The following IL1RAPL1 variants were observed in gnomAD, a reference collection of about 807,000 sequenced individuals.
The protein encoded by IL1RAPL1 is interleukin 1 receptor accessory protein like 1, also known as interleukin-1 receptor accessory protein-like 1.
In IL1RAPL1, 3 loss-of-function variants were observed where a neutral mutation model predicts 48.4. The observed-to-expected ratio is 0.06, with a 90% CI of 0.03 to 0.16. The LOEUF is 0.16. Ranked by LOEUF, IL1RAPL1 falls within the 10% of genes least tolerant of loss-of-function variation. The pLI is 1.00. For missense variants in IL1RAPL1, 349 were observed against 530.6 expected (o/e 0.66, Z 3.36); for synonymous variants, 185 against 187.7 (o/e 0.99, Z 0.12).
At chrX:28,595,286 T>C (rs1342079830) in intron 1 of IL1RAPL1, among the ~76,000 whole-genome samples, 1 of 112,615 alleles carries the variant, frequency 8.9e-6, no homozygotes, top group Non-Finnish European at 1.9e-5. Context: ...TCCTAATGAC[T>C]GCATTAATAT....
At chrX:29,886,939 T>G (rs1186710121) in intron 6 of IL1RAPL1, among the ~76,000 whole-genome samples, 1 of 112,024 alleles carries the variant, frequency 8.9e-6, no homozygotes, top group East Asian at 2.8e-4. Context: ...TTTCACAACT[T>G]TAGCCCTTAG....
intron 3 of IL1RAPL1, among the ~76,000 whole-genome samples, chrX:29,313,206 A>T (rs1932751245): frequency 9.1e-6 from 1 of 110,435 alleles, no homozygotes; most frequent in Non-Finnish European, 1.9e-5. Context: ...GAGAGCAGGA[A>T]CAGGCCTTTC....
chrX:29,573,579 A>C lies in IL1RAPL1; in HGVS notation c.704-94851A>C, dbSNP rs750444862. ...CCTTCTAGACTGCAGAGCAACATGC[A>C]CTGAGTTTTTTGAAAGATTTACCAG... On this transcript the variant is annotated intron_variant, in intron 5 of 10. Transcript: ENST00000378993. 2.4e-3 allele frequency among the ~76,000 whole-genome samples: 270 copies of C among 112,305 alleles called. 1 individual carries two copies. Among genetic ancestry groups the C allele is most frequent in the African/African-American group, 8.5e-3 (262 of 30,937 alleles).
At chrX:29,285,185 C>T (rs999811859) in intron 3 of IL1RAPL1, among the ~76,000 whole-genome samples, 6 of 110,773 alleles carry the variant, frequency 5.4e-5, no homozygotes, top group African/African-American at 2.0e-4. Flanking sequence ...TTGCAATTCT[C>T]TGATGTATTT....
chrX:28,936,951 T>C (rs1924031455), intron 2 of IL1RAPL1, among the ~76,000 whole-genome samples: 1 of 111,156 alleles, frequency 9.0e-6, no homozygotes, highest in African/African-American at 3.3e-5. Flanking sequence ...AATAAACAGG[T>C]TTTACATATT....
At position 29,396,463 on chromosome X, in the gene IL1RAPL1, T is replaced by C; in HGVS notation, c.549+19T>C. ...GTACAAGGTATGGACTGCGGGTGGT[T>C]CTATTTCCTATTAACAAATTAATTG... On this transcript the variant is annotated intron_variant, in intron 4 of 10. Coordinates refer to ENST00000378993, the MANE Select transcript of IL1RAPL1 (RefSeq NM_014271.4). 1 of 1,185,788 alleles carries C rather than the reference T, an allele frequency of 8.4e-7. No homozygotes were observed. Among genetic ancestry groups the C allele is most frequent in the Non-Finnish European group, 1.1e-6 (1 of 871,541 alleles).
intron 6 of IL1RAPL1, among the ~76,000 whole-genome samples, chrX:29,894,464 T>C (rs1360288891): frequency 8.9e-6 from 1 of 112,226 alleles, no homozygotes; most frequent in Non-Finnish European, 1.9e-5. Flanking sequence ...GCTTATTTCA[T>C]TTATGCCCTT....
At chrX:28,856,283 G>A (rs1317651259) in intron 2 of IL1RAPL1, among the ~76,000 whole-genome samples, 1 of 111,392 alleles carries the variant, frequency 9.0e-6, no homozygotes, top group Non-Finnish European at 1.9e-5. Context: ...AGAATTCAAT[G>A]TTTACTCAAG....
chrX:29,039,023 C>A (rs1926786405), intron 2 of IL1RAPL1, among the ~76,000 whole-genome samples: 1 of 112,221 alleles, frequency 8.9e-6, no homozygotes, highest in East Asian at 2.8e-4. Flanking sequence ...CCTAATTTAA[C>A]AGCAGTTGTT....
intron 1 of IL1RAPL1, among the ~76,000 whole-genome samples, chrX:28,693,993 T>C (rs1935204807): frequency 8.9e-6 from 1 of 112,146 alleles, no homozygotes; most frequent in Admixed American, 9.5e-5. Context: ...TTAGTTCATC[T>C]TTCCTACCTC....
chrX:29,460,191 A>G (rs1244496483), intron 5 of IL1RAPL1, among the ~76,000 whole-genome samples: 1 of 112,154 alleles, frequency 8.9e-6, no homozygotes, highest in Non-Finnish European at 1.9e-5. Context: ...TAGGGACTAG[A>G]ACCCTGCCTA....
intron 3 of IL1RAPL1, among the ~76,000 whole-genome samples, chrX:29,377,232 T>C (rs1933635784): frequency 8.9e-6 from 1 of 112,404 alleles, no homozygotes; most frequent in South Asian, 3.7e-4. Context: ...TCCCTTTACT[T>C]TGAGTCTGTG....
chrX:28,619,840 C>T (rs1482028503), intron 1 of IL1RAPL1, among the ~76,000 whole-genome samples: 3 of 111,248 alleles, frequency 2.7e-5, no homozygotes. Context: ...AGTTAACTTA[C>T]ATTGCATTTG....
intron 5 of IL1RAPL1, among the ~76,000 whole-genome samples, chrX:29,628,447 A>T (rs949704224): frequency 3.6e-5 from 4 of 111,723 alleles, no homozygotes; most frequent in African/African-American, 6.5e-5. Context: ...TGCCCTTGAT[A>T]AGAAATCTTT....
intron 2 of IL1RAPL1, among the ~76,000 whole-genome samples, chrX:28,859,258 T>TATTGATTG (rs908481592): frequency 6.2e-5 from 7 of 112,021 alleles, no homozygotes; most frequent in Middle Eastern, 4.6e-3. Context: ...AGATCTTAGC[T>TATTGATTG]ATTGATTGAT....
intron 6 of IL1RAPL1, among the ~76,000 whole-genome samples, chrX:29,765,585 A>G (rs1928863436): frequency 8.9e-6 from 1 of 112,113 alleles, no homozygotes; most frequent in Non-Finnish European, 1.9e-5. Flanking sequence ...TGTGCTTAGT[A>G]GTATCCAAAG....
At chrX:29,172,781 G>C (rs906060504) in intron 2 of IL1RAPL1, among the ~76,000 whole-genome samples, 2 of 111,699 alleles carry the variant, frequency 1.8e-5, no homozygotes, top group African/African-American at 6.5e-5. Flanking sequence ...GAAGACTTTG[G>C]GGAATCATAA....
chrX:29,450,833 A>T (rs769211890), intron 5 of IL1RAPL1, among the ~76,000 whole-genome samples: 2 of 111,924 alleles, frequency 1.8e-5, no homozygotes, highest in African/African-American at 6.5e-5. Flanking sequence ...TCTGTGAAAA[A>T]TTCTCATAAA....
chrX:29,916,441 A>G (rs1932801310), intron 6 of IL1RAPL1, among the ~76,000 whole-genome samples: 2 of 111,664 alleles, frequency 1.8e-5, no homozygotes, highest in Admixed American at 9.5e-5. Flanking sequence ...CCACAAATTG[A>G]GAGTTTGCTT....
Sources: gnomAD v4.1 joint callset for allele counts (sites outside exome capture counted in the v4.1 genomes callset) on GRCh38, gnomAD v4.1.1 for gene constraint, MANE v1.5 for transcripts, NCBI Gene and HGNC (gene_info 2026-07-23, HGNC 2026-07-21) for gene names.